The following PCBD1 variants were observed in gnomAD, a reference collection of about 807,000 sequenced individuals.
PCBD1 encodes pterin-4-alpha-carbinolamine dehydratase.
PCBD1 carries 16 observed loss-of-function variants against 12.6 expected under a neutral mutation model. That is an observed-to-expected ratio of 1.27 (90% CI 0.86 to 1.93). The LOEUF (loss-of-function observed/expected upper bound fraction) is 1.93, where lower values mean the gene tolerates loss of function less well. Among genes scored for constraint, PCBD1 ranks in the 30% most tolerant of loss-of-function variants. The pLI is 0.00. For synonymous variants in PCBD1, 53 were observed against 50.2 expected (o/e 1.05, Z -0.23); for missense variants, 86 against 130.1 (o/e 0.66, Z 1.65).
chr10:70,884,622 C>T (rs1253711650), intron 3 of PCBD1, among the ~76,000 whole-genome samples: 1 of 151,840 alleles, frequency 6.6e-6, no homozygotes, highest in Non-Finnish European at 1.5e-5. Flanking sequence ...GCTGGGACTA[C>T]AGGCGTCCAC....
rs1379507590 is a variant in PCBD1 at position 70,883,932 on chromosome 10, A to G, written c.*18T>C. The G allele has an allele frequency of 1.9e-6, 3 of 1,611,104 alleles. No homozygotes were observed. The highest frequency in any genetic ancestry group is 2.5e-6 in the Non-Finnish European group (3 of 1,178,764). On this transcript the variant is annotated 3_prime_UTR_variant, in exon 4 of 4. Coordinates refer to ENST00000299299, the MANE Select transcript of PCBD1 (RefSeq NM_000281.4). ...GTCACCCCTTCCCCCGGAAGAATTC[A>G]AAGAGGAAGGGCAGGGTCTATGTCA... is the stretch of plus-strand genomic sequence containing the variant.
intron 1 of PCBD1, 90 bp from the exon 2 acceptor site, chr10:70,886,019 C>T (rs1381400892): frequency 1.3e-6 from 2 of 1,534,588 alleles, no homozygotes; most frequent in East Asian, 4.6e-5. Context: ...ACTTAGCTTC[C>T]ACTGGCTGCT....
intron 1 of PCBD1, among the ~76,000 whole-genome samples, chr10:70,886,466 G>A (rs376696693): frequency 2.0e-5 from 3 of 152,364 alleles, no homozygotes; most frequent in South Asian, 2.1e-4. Context: ...GAGGGGAAAC[G>A]ACTTGTCTGC....
intron 2 of PCBD1, 41 bp from the exon 3 acceptor site, chr10:70,885,273 A>C (rs986320712): frequency 6.6e-7 from 1 of 1,511,706 alleles, no homozygotes; most frequent in South Asian, 1.1e-5. Flanking sequence ...GTTCTAAGAG[A>C]AAGGACTTCT....
intron 3 of PCBD1, 126 bp downstream of exon 3, chr10:70,885,026 T>G (rs1443649922): frequency 7.6e-6 from 6 of 785,542 alleles, no homozygotes; most frequent in East Asian, 2.5e-5. Context: ...AGATTGGAAA[T>G]GAGATGAGTG....
Position 70,885,821 on chromosome 10 carries a change from A to T in PCBD1, c.112T>A (p.Phe38Ile). The T allele has an allele frequency of 6.2e-7, 1 of 1,613,994 alleles. No homozygotes were observed. Among genetic ancestry groups the T allele is most frequent in the African/African-American group, 1.3e-5 (1 of 75,008 alleles). The change falls in exon 2 of 4, where the codon TTT becomes ATT. Residue 38 changes from phenylalanine (F) to isoleucine (I), a missense_variant. By Grantham distance (21) the Phe-to-Ile change is conservative. Transcript: ENST00000299299. The part of the protein sequence containing the change: ...LEGRDAIFKQ[F>I]HFKDFNRAFG... ...ACCCTGTTGAAGTCTTTGAAATGAA[A>T]CTGCTTGAAGATGGCATCACGGCCT...
rs1172446240 is a variant in PCBD1, at chr10:70,885,913, C to T, written c.20G>A (p.Arg7Lys). Residue 7 changes from arginine (R) to lysine (K), a missense_variant, in exon 2 of 4, where the codon AGG (arginine) becomes AAG (lysine). Arg to Lys is a conservative substitution (Grantham distance 26). Coordinates refer to ENST00000299299, the MANE Select transcript of PCBD1 (RefSeq NM_000281.4). ...CTGGTCCCTCTCCTCAGCGCTCAGC[C>T]TGTGTGCTTTGCCAGCCTAGAAGAG... Reference protein sequence around the residue: MAGKAHRLSAEERDQLL... With the variant: MAGKAHKLSAEERDQLL... The T allele has an allele frequency of 6.2e-7, 1 of 1,614,006 alleles. No homozygotes were observed. Among genetic ancestry groups the T allele is most frequent in the South Asian group, 1.1e-5 (1 of 91,020 alleles).
At position 70,884,626 on chromosome 10, in the gene PCBD1, C is replaced by T. The variant is rs564566074; in HGVS notation, c.216+526G>A. 5.3e-5 allele frequency among the ~76,000 whole-genome samples: 8 copies of T among 152,090 alleles called. No homozygotes were observed. In the East Asian group the frequency reaches 1.2e-3, roughly 22 times the overall value. On this transcript the variant is annotated intron_variant, in intron 3 of 3. Transcript: ENST00000299299. Reference sequence around the variant, plus strand: ...CCTCCCCAGTAGCTGGGACTACAGGCGTCCACCACCGCGCCCGCCTAATTT... The same window carrying T: ...CCTCCCCAGTAGCTGGGACTACAGGTGTCCACCACCGCGCCCGCCTAATTT...
At chr10:70,886,307 A>C (rs889154449) in intron 1 of PCBD1, among the ~76,000 whole-genome samples, 1 of 152,156 alleles carries the variant, frequency 6.6e-6, no homozygotes, top group African/African-American at 2.4e-5. Context: ...AAGCAAAATA[A>C]ATCCCAGATG....
chr10:70,885,479 TG>T (rs1433697148), intron 2 of PCBD1, among the ~76,000 whole-genome samples: 1 of 152,278 alleles, frequency 6.6e-6, no homozygotes, highest in Non-Finnish European at 1.5e-5. Flanking sequence ...GCTTTTGGCC[TG>T]GCCAGTCTTG....
chr10:70,884,189 A>G lies in PCBD1; in HGVS notation c.217-141T>C, dbSNP rs938969432. 3.6e-5 allele frequency: 28 copies of G among 767,166 alleles called. No homozygotes were observed. In the Admixed American group the frequency reaches 5.7e-4, roughly 15 times the overall value. The allele number at this position is 767,166 out of a possible 1,614,324, so 47.5% of individuals were successfully genotyped here. On this transcript the variant is annotated intron_variant, in intron 3 of 3. Coordinates refer to ENST00000299299, the MANE Select transcript of PCBD1 (RefSeq NM_000281.4). The stretch of plus-strand genomic sequence containing the variant: ...TCTCTCCTGGGGACTCCTTCCTGAC[A>G]TGTCTGTAACAACATCTTCTACATC...
At position 70,883,742 on chromosome 10, in the gene PCBD1, G is replaced by A. The variant is rs1046150760; in HGVS notation, c.*208C>T. The A allele has an allele frequency of 2.1e-5, 30 of 1,440,632 alleles. No homozygotes were observed. In the African/African-American group the frequency reaches 4.0e-4, roughly 19 times the overall value. The allele number at this position is 1,440,632 out of a possible 1,614,324, so 89.2% of individuals were successfully genotyped here. A position where few individuals can be genotyped will look rare whatever the true frequency, so the allele number is the denominator to read the frequency against. ...CAAATTAGTGTAACAGAGCCCCCAG[G>A]ATGAAGAGAGTGGTGCAGGGAAAAG... On this transcript the variant is annotated 3_prime_UTR_variant, in exon 4 of 4. Coordinates refer to ENST00000299299, the MANE Select transcript of PCBD1 (RefSeq NM_000281.4).
At chr10:70,884,521 T>A (rs1846551957) in intron 3 of PCBD1, among the ~76,000 whole-genome samples, 1 of 143,272 alleles carries the variant, frequency 7.0e-6, no homozygotes, top group Non-Finnish European at 1.5e-5. Context: ...TTGCTCTGTC[T>A]CCCAGGCTGG....
chr10:70,883,948 G>T lies in PCBD1; in HGVS notation c.*2C>A, dbSNP rs1846538560. ...GAAGAATTCAAAGAGGAAGGGCAGG[G>T]TCTATGTCATGGACACTGCTACTTG... On this transcript the variant is annotated 3_prime_UTR_variant, in exon 4 of 4. Coordinates refer to ENST00000299299, the MANE Select transcript of PCBD1 (RefSeq NM_000281.4). 1.2e-6 allele frequency: 2 copies of T among 1,613,364 alleles called. No homozygotes were observed. Among genetic ancestry groups the T allele is most frequent in the African/African-American group, 1.3e-5 (1 of 74,918 alleles).
chr10:70,882,668 G>A (rs571112973), downstream of PCBD1, among the ~76,000 whole-genome samples: 81 of 152,226 alleles, frequency 5.3e-4, no homozygotes, highest in African/African-American at 1.8e-3. Flanking sequence ...GAAGACAGTC[G>A]GCTTTACTCA....
chr10:70,886,464 A>T (rs1846585950), intron 1 of PCBD1, among the ~76,000 whole-genome samples: 1 of 152,216 alleles, frequency 6.6e-6, no homozygotes, highest in Non-Finnish European at 1.5e-5. Flanking sequence ...GAGAGGGGAA[A>T]CGACTTGTCT....
rs974030092 is a variant in PCBD1 at position 70,883,533 on chromosome 10, T to A, written c.*417A>T. The stretch of plus-strand genomic sequence containing the variant: ...GACCAAGTGATATAATAGTTTTATT[T>A]GAGACATAAAAACACATGTGTTTCT... On this transcript the variant is annotated 3_prime_UTR_variant, in exon 4 of 4. Coordinates refer to ENST00000299299, the MANE Select transcript of PCBD1 (RefSeq NM_000281.4). 5.5e-6 allele frequency: 6 copies of A among 1,095,332 alleles called. No homozygotes were observed. Among genetic ancestry groups the A allele is most frequent in the Non-Finnish European group, 6.7e-6 (6 of 894,090 alleles). 67.9% of individuals were successfully genotyped at this position (1,095,332 alleles called of 1,614,324 possible).
chr10:70,882,634 TTGAA>T (rs2131964191), downstream of PCBD1: 1 of 152,336 alleles, frequency 6.6e-6, no homozygotes, highest in East Asian at 1.9e-4. Flanking sequence ...CTTCACCTGG[TTGAA>T]TGAGGCCACC....
intron 1 of PCBD1, among the ~76,000 whole-genome samples, chr10:70,886,567 A>G (rs566000534): frequency 6.6e-6 from 1 of 152,372 alleles, no homozygotes; most frequent in Non-Finnish European, 1.5e-5. Context: ...TACATTTAAA[A>G]TAAGTGTCCA....
Sources: gnomAD v4.1 joint callset for allele counts (sites outside exome capture counted in the v4.1 genomes callset) on GRCh38, gnomAD v4.1.1 for gene constraint, MANE v1.5 for transcripts, NCBI Gene and HGNC (gene_info 2026-07-23, HGNC 2026-07-21) for gene names.